Variants in CCNY observed in about 807,000 individuals in gnomAD.
The protein encoded by CCNY is cyclin Y, also known as cyclin-Y.
A neutral mutation model predicts 42.8 loss-of-function variants in CCNY; 19 were observed. The observed-to-expected ratio is 0.44, with a 90% CI of 0.31 to 0.65. The LOEUF (loss-of-function observed/expected upper bound fraction) is 0.65, where lower values mean the gene tolerates loss of function less well. CCNY is among the 30% of genes least tolerant of loss of function. The probability of loss-of-function intolerance (pLI) is 0.07; values close to 1 mark genes in which losing one functional copy is unlikely to be tolerated. For synonymous variants in CCNY, 165 were observed against 162.7 expected (o/e 1.01, Z -0.11); for missense variants, 370 against 437.3 (o/e 0.85, Z 1.37).
At chr10:35,442,234 C>G (rs891553106) in intron 1 of CCNY, among the ~76,000 whole-genome samples, 4 of 152,116 alleles carry the variant, frequency 2.6e-5, no homozygotes, top group South Asian at 2.1e-4. Flanking sequence ...GGTTGCCCTC[C>G]AAGGGCTTAT....
intron 1 of CCNY, among the ~76,000 whole-genome samples, chr10:35,400,940 T>A (rs543262523): frequency 6.6e-6 from 1 of 152,322 alleles, no homozygotes; most frequent in East Asian, 1.9e-4. Flanking sequence ...ACTTTTTTTT[T>A]GAGAGAGAAA....
chr10:35,522,759 C>T (rs1401766378), intron 4 of CCNY, among the ~76,000 whole-genome samples: 2 of 152,202 alleles, frequency 1.3e-5, no homozygotes, highest in East Asian at 1.9e-4. Flanking sequence ...ACACATGCTG[C>T]GGTCCCAAAT....
chr10:35,319,016 G>A (rs1481878694), intron 3 of CCNY, among the ~76,000 whole-genome samples: 2 of 152,144 alleles, frequency 1.3e-5, no homozygotes, highest in African/African-American at 4.8e-5. Context: ...GGGCCGGAGT[G>A]CAGTGGCGGG....
chr10:35,509,620 T>C (rs1840284736), intron 3 of CCNY, among the ~76,000 whole-genome samples: 1 of 152,220 alleles, frequency 6.6e-6, no homozygotes, highest in African/African-American at 2.4e-5. Context: ...TGTGAACACT[T>C]TGAGGTCAGA....
intron 1 of CCNY, among the ~76,000 whole-genome samples, chr10:35,371,387 C>T (rs961804408): frequency 4.6e-5 from 7 of 152,202 alleles, no homozygotes; most frequent in Non-Finnish European, 8.8e-5. Flanking sequence ...GTCTTCCTTG[C>T]CTTTATCTCT....
At chr10:35,513,296 T>C (rs1192577963) in intron 3 of CCNY, among the ~76,000 whole-genome samples, 1 of 152,152 alleles carries the variant, frequency 6.6e-6, no homozygotes, top group Non-Finnish European at 1.5e-5. Context: ...CTCATCAGGC[T>C]CCCCTTCTAA....
chr10:35,536,694 A>C (rs573901387), intron 7 of CCNY, among the ~76,000 whole-genome samples: 19 of 152,170 alleles, frequency 1.2e-4, no homozygotes, highest in Non-Finnish European at 2.4e-4. Flanking sequence ...TTGTCCCTGC[A>C]GTAGAGATTT....
intron 7 of CCNY, among the ~76,000 whole-genome samples, chr10:35,539,632 C>T (rs1840957956): frequency 6.6e-6 from 1 of 152,008 alleles, no homozygotes; most frequent in Non-Finnish European, 1.5e-5. Context: ...ACTAAAAACA[C>T]AAAAATTAGC....
At chr10:35,511,489 C>A (rs1214821979) in intron 3 of CCNY, among the ~76,000 whole-genome samples, 1 of 152,080 alleles carries the variant, frequency 6.6e-6, no homozygotes, top group Admixed American at 6.5e-5. Context: ...GGGAAAAGGT[C>A]TGTAGGGTAT....
At chr10:35,436,034 A>T (rs1202906714) in intron 1 of CCNY, among the ~76,000 whole-genome samples, 1 of 152,186 alleles carries the variant, frequency 6.6e-6, no homozygotes, top group Admixed American at 6.5e-5. Flanking sequence ...GATAGTGGAC[A>T]AGAGACAGTT....
At chr10:35,259,672 G>GTTTTTTTT (rs1202854456) in intron 3 of CCNY, among the ~76,000 whole-genome samples, 1 of 86,370 alleles carries the variant, frequency 1.2e-5, no homozygotes, top group Non-Finnish European at 2.1e-5. Flanking sequence ...CTGGCTAATT[G>GTTTTTTTT]TTTTTTTTTT....
intron 7 of CCNY, among the ~76,000 whole-genome samples, chr10:35,532,656 G>A (rs539226974): frequency 1.3e-5 from 2 of 152,340 alleles, no homozygotes; most frequent in Non-Finnish European, 2.9e-5. Flanking sequence ...GATGAGTTAT[G>A]TAGAGGCCTT....
intron 3 of CCNY, among the ~76,000 whole-genome samples, chr10:35,286,880 G>A (rs1248847953): frequency 1.3e-5 from 2 of 151,760 alleles, no homozygotes; most frequent in Non-Finnish European, 2.9e-5. Flanking sequence ...GGCTGGTCTC[G>A]AACTCCTGGC....
At chr10:35,290,415 TAA>T (rs60240989) in intron 3 of CCNY, among the ~76,000 whole-genome samples, 7 of 146,000 alleles carry the variant, frequency 4.8e-5, no homozygotes, top group African/African-American at 7.5e-5. Context: ...GACTCTGTCT[TAA>T]AAAAAAAAAA....
At chr10:35,553,582 C>G (rs1476139645) in intron 8 of CCNY, among the ~76,000 whole-genome samples, 1 of 152,142 alleles carries the variant, frequency 6.6e-6, no homozygotes, top group Non-Finnish European at 1.5e-5. Context: ...GTCAATAAGG[C>G]AATCCAAAAA....
chr10:35,410,748 T>G (rs1837885214), intron 1 of CCNY, among the ~76,000 whole-genome samples: 1 of 152,220 alleles, frequency 6.6e-6, no homozygotes, highest in Admixed American at 6.5e-5. Context: ...GACAGGCAAG[T>G]GCACCAGAGC....
At chr10:35,422,745 G>A (rs1443532084) in intron 1 of CCNY, among the ~76,000 whole-genome samples, 2 of 152,178 alleles carry the variant, frequency 1.3e-5, no homozygotes, top group Admixed American at 6.5e-5. Flanking sequence ...TAAAGGAATA[G>A]AGAGAATTGT....
At chr10:35,491,458 C>G (rs1839892863) in intron 2 of CCNY, among the ~76,000 whole-genome samples, 1 of 152,078 alleles carries the variant, frequency 6.6e-6, no homozygotes, top group Non-Finnish European at 1.5e-5. Context: ...GAGGAGCCAC[C>G]CCGTCCTGCC....
chr10:35,334,318 T>C (rs940290567), upstream of CCNY, among the ~76,000 whole-genome samples: 2 of 152,234 alleles, frequency 1.3e-5, no homozygotes, highest in Non-Finnish European at 2.9e-5. Flanking sequence ...TGAGTAGATA[T>C]GCCACACACC....
Sources: allele counts gnomAD v4.1 joint callset (sites outside exome capture counted in the v4.1 genomes callset), GRCh38; gene constraint gnomAD v4.1.1; transcripts MANE v1.5; gene names NCBI Gene and HGNC (gene_info 2026-07-23, HGNC 2026-07-21).